Variants in LRP1B observed in about 807,000 individuals in gnomAD.
LRP1B encodes low-density lipoprotein receptor-related protein 1B.
Under a neutral mutation model 556.6 loss-of-function variants are expected in LRP1B, and 217 were observed. That is an observed-to-expected ratio of 0.39 (90% CI 0.35 to 0.44). The LOEUF (loss-of-function observed/expected upper bound fraction) is 0.44, where lower values mean the gene tolerates loss of function less well. Ranked by LOEUF, LRP1B falls within the 20% of genes least tolerant of loss-of-function variation. LRP1B has a pLI of 1.00. For synonymous variants in LRP1B, 2,047 were observed against 1,865.8 expected, an observed-to-expected ratio of 1.10 and a Z score of -2.50; for missense variants, 5,053 against 5,620.8, an observed-to-expected ratio of 0.90 and a Z score of 3.23.
chr2:140,576,815 T>C (rs1681543253), intron 43 of LRP1B, among the ~76,000 whole-genome samples: 1 of 152,194 alleles, frequency 6.6e-6, no homozygotes. Flanking sequence ...TGCTATTTTA[T>C]ACTCACCTCA....
At chr2:140,852,542 T>G (rs1199804868) in intron 27 of LRP1B, among the ~76,000 whole-genome samples, 1 of 152,230 alleles carries the variant, frequency 6.6e-6, no homozygotes, top group Non-Finnish European at 1.5e-5. Context: ...AGGAAACTAC[T>G]GGTACATATA....
At chr2:141,457,783 G>T (rs939134130) in intron 3 of LRP1B, among the ~76,000 whole-genome samples, 4 of 152,120 alleles carry the variant, frequency 2.6e-5, no homozygotes, top group African/African-American at 9.7e-5. Flanking sequence ...GGCATAGAAA[G>T]ATAGTAAAAT....
chr2:140,588,839 G>A (rs1056728641), intron 43 of LRP1B, among the ~76,000 whole-genome samples: 1 of 13,190 alleles, frequency 7.6e-5, no homozygotes, highest in Admixed American at 1.6e-3. Flanking sequence ...CACGCCTGTA[G>A]TCCCAGCTAA....
intron 50 of LRP1B, 81 bp downstream of exon 50, chr2:140,516,808 T>C (rs1054356586): frequency 3.1e-6 from 4 of 1,275,852 alleles, no homozygotes; most frequent in Non-Finnish European, 3.3e-6. Flanking sequence ...CAATGTTTTG[T>C]ATAAAATCCC....
chr2:141,726,007 CTT>C (rs1428312284), intron 2 of LRP1B, among the ~76,000 whole-genome samples: 1 of 151,636 alleles, frequency 6.6e-6, no homozygotes, highest in Non-Finnish European at 1.5e-5. Context: ...ACTCATTACT[CTT>C]TTGTATACGG....
chr2:141,073,106 A>G (rs935938055), intron 7 of LRP1B, among the ~76,000 whole-genome samples: 2 of 152,014 alleles, frequency 1.3e-5, no homozygotes, highest in East Asian at 3.9e-4. Flanking sequence ...ACCACCTTCC[A>G]TTTATAGTCC....
At chr2:140,672,719 T>A (rs1685532248) in intron 41 of LRP1B, among the ~76,000 whole-genome samples, 1 of 152,126 alleles carries the variant, frequency 6.6e-6, no homozygotes, top group African/African-American at 2.4e-5. Flanking sequence ...AGTCTTCTTT[T>A]ATTTCCTCCT....
intron 3 of LRP1B, among the ~76,000 whole-genome samples, chr2:141,397,953 A>C (rs13427958): frequency 0.027 from 4,099 of 152,046 alleles, 186 homozygotes; most frequent in African/African-American, 0.093. Flanking sequence ...AGAGAGTTTA[A>C]TGTCTAGATG....
At position 141,331,503 on chromosome 2, in the gene LRP1B, C is replaced by CTTCT. The variant is rs1272592276; in HGVS notation, c.344-76866_344-76863dup. On this transcript the variant is annotated intron_variant, in intron 3 of 90. Coordinates refer to ENST00000389484, the MANE Select transcript of LRP1B (RefSeq NM_018557.3). ...TTTGTTTCTTTTCTTTCTTTCTTTC[C>CTTCT]TTCTTTCTTTCTTTCTTTCTCTTTC... Among the ~76,000 whole-genome samples, 20 of 39,868 alleles carry CTTCT rather than the reference C, an allele frequency of 5.0e-4. 1 individual carries two copies. Among genetic ancestry groups the CTTCT allele is most frequent in the South Asian group, 2.5e-3 (4 of 1,582 alleles). 26.2% of individuals were successfully genotyped at this position (39,868 alleles called of 152,430 possible). A position where few individuals can be genotyped will look rare whatever the true frequency, so the allele number is the denominator to read the frequency against.
intron 1 of LRP1B, among the ~76,000 whole-genome samples, chr2:141,922,121 G>T (rs772937307): frequency 3.3e-5 from 5 of 152,102 alleles, no homozygotes; most frequent in Non-Finnish European, 5.9e-5. Context: ...TAGAGTTAAG[G>T]TCTCTTAGAC....
chr2:140,678,017 A>G (rs1685733226), intron 41 of LRP1B, among the ~76,000 whole-genome samples: 1 of 152,156 alleles, frequency 6.6e-6, no homozygotes, highest in Non-Finnish European at 1.5e-5. Context: ...TAGGACATGC[A>G]GTGCTTAATA....
chr2:142,030,232 T>A (rs1703642192), intron 1 of LRP1B, among the ~76,000 whole-genome samples: 1 of 151,936 alleles, frequency 6.6e-6, no homozygotes, highest in Admixed American at 6.6e-5. Context: ...GCAATTATGC[T>A]TCTCATCAAA....
intron 2 of LRP1B, among the ~76,000 whole-genome samples, chr2:141,655,905 C>T (rs1051298713): frequency 2.0e-5 from 3 of 152,154 alleles, no homozygotes; most frequent in Middle Eastern, 6.8e-3. Context: ...GTCTTATTTA[C>T]ACTAATATAG....
chr2:141,713,485 A>G (rs1462186835), intron 2 of LRP1B, among the ~76,000 whole-genome samples: 2 of 152,204 alleles, frequency 1.3e-5, no homozygotes, highest in African/African-American at 2.4e-5. Context: ...CAGGCAATGA[A>G]TATAATATAA....
chr2:141,838,053 G>C (rs1697348154), intron 1 of LRP1B, among the ~76,000 whole-genome samples: 1 of 152,088 alleles, frequency 6.6e-6, no homozygotes, highest in Non-Finnish European at 1.5e-5. Flanking sequence ...ACACAGAGTA[G>C]CTTGTTAACC....
At chr2:141,295,530 T>G (rs942014835) in intron 3 of LRP1B, among the ~76,000 whole-genome samples, 2 of 152,160 alleles carry the variant, frequency 1.3e-5, no homozygotes, top group Non-Finnish European at 2.9e-5. Flanking sequence ...AAGCAATTGC[T>G]TAGTGTCTCC....
At chr2:141,065,306 T>C (rs187901851) in intron 7 of LRP1B, among the ~76,000 whole-genome samples, 1 of 152,052 alleles carries the variant, frequency 6.6e-6, no homozygotes, top group East Asian at 1.9e-4. Context: ...GACAAGGACA[T>C]TCTCTTGCAT....
chr2:140,967,663 A>C (rs549027502), intron 18 of LRP1B, among the ~76,000 whole-genome samples: 89 of 151,674 alleles, frequency 5.9e-4, no homozygotes, highest in African/African-American at 2.1e-3. Flanking sequence ...TCAGTATGAT[A>C]TTGGCTGTGG....
rs141813328 is a variant in LRP1B, at chr2:141,333,028, T to A, written c.344-78387A>T. 2.6e-3 allele frequency among the ~76,000 whole-genome samples: 393 copies of A among 152,232 alleles called. 1 individual carries two copies. The highest frequency in any genetic ancestry group is 9.0e-3 in the African/African-American group (373 of 41,578). The stretch of plus-strand genomic sequence containing the variant: ...TCTTCACTTTTTTAAAATCTTTTTT[T>A]AACATTTTCAAAGTCAACAAAAGCC... On this transcript the variant is annotated intron_variant, in intron 3 of 90. Transcript: ENST00000389484.
Sources: allele counts gnomAD v4.1 joint callset (sites outside exome capture counted in the v4.1 genomes callset), GRCh38; gene constraint gnomAD v4.1.1; transcripts MANE v1.5; gene names NCBI Gene and HGNC (gene_info 2026-07-23, HGNC 2026-07-21).